Variants in ZNF717 observed in about 807,000 individuals in gnomAD.
ZNF717 encodes the protein krueppel-like factor X17.
In ZNF717, 9 loss-of-function variants were observed where a neutral mutation model predicts 13.8. That is an observed-to-expected ratio of 0.65 (90% confidence interval 0.39 to 1.14). The LOEUF (loss-of-function observed/expected upper bound fraction) is 1.14. Ranked by LOEUF, ZNF717 falls within the 50% of genes most tolerant of loss-of-function variation. The pLI is 0.01. For synonymous variants in ZNF717, 327 were observed against 364.1 expected (o/e 0.90, Z 1.16); for missense variants, 1,040 against 1,080.7 (o/e 0.96, Z 0.53).
chr3:75,783,194 T>C (rs1348711965), intron 2 of ZNF717, 112 bp downstream of exon 2: 1 of 821,698 alleles, frequency 1.2e-6, no homozygotes, highest in African/African-American at 1.7e-5. Flanking sequence ...TTTATGTATA[T>C]TTCCTTCAAC....
At chr3:75,702,668 C>A (rs1427186970) in intron 6 of ZNF717, among the ~76,000 whole-genome samples, 8 of 151,870 alleles carry the variant, frequency 5.3e-5, no homozygotes, top group Admixed American at 2.6e-4. Flanking sequence ...GATGGATACA[C>A]CATTTTTTAT....
intron 2 of ZNF717, among the ~76,000 whole-genome samples, chr3:75,746,802 T>C (rs375412426): frequency 0.036 from 5,539 of 152,292 alleles, 127 homozygotes; most frequent in South Asian, 0.063. Flanking sequence ...GTAAACATTT[T>C]CTCCCATTCT....
chr3:75,773,144 C>T (rs1308216363), intron 2 of ZNF717, among the ~76,000 whole-genome samples: 1 of 152,060 alleles, frequency 6.6e-6, no homozygotes, highest in Non-Finnish European at 1.5e-5. Flanking sequence ...TGAAAATTCA[C>T]AGGGATTTTT....
chr3:75,758,411 T>C (rs1040803616), intron 2 of ZNF717, among the ~76,000 whole-genome samples: 2 of 152,126 alleles, frequency 1.3e-5, no homozygotes, highest in Admixed American at 1.3e-4. Flanking sequence ...ACAACAGATT[T>C]AGAATAAACT....
chr3:75,783,554 T>C (rs1300263707), intron 1 of ZNF717, among the ~76,000 whole-genome samples, 190 bp from the exon 2 acceptor site: 1 of 152,242 alleles, frequency 6.6e-6, no homozygotes, highest in Non-Finnish European at 1.5e-5. Flanking sequence ...ATAAGATACA[T>C]CTACAAGTAC....
At chr3:75,773,207 A>T (rs560372862) in intron 2 of ZNF717, among the ~76,000 whole-genome samples, 5 of 152,382 alleles carry the variant, frequency 3.3e-5, no homozygotes, top group African/African-American at 1.2e-4. Flanking sequence ...GGAAAAAAAA[A>T]ATCATTGGCT....
At chr3:75,755,478 G>A (rs1315779953) in intron 2 of ZNF717, among the ~76,000 whole-genome samples, 1 of 151,922 alleles carries the variant, frequency 6.6e-6, no homozygotes, top group African/African-American at 2.4e-5. Flanking sequence ...TAATTGATCT[G>A]ACCAATAAGC....
intron 6 of ZNF717, among the ~76,000 whole-genome samples, chr3:75,696,904 AAAAAAAAAAAAAACAAG>A (rs1359683949): frequency 4.1e-5 from 1 of 24,228 alleles, no homozygotes; most frequent in East Asian, 2.6e-3. Context: ...AAAAAAAAAA[AAAAAAAAAAAAAACAAG>A]GACAAAATCC....
At chr3:75,735,635 T>TAAAA (rs149366090), downstream of ZNF717, among the ~76,000 whole-genome samples, 3,668 of 79,144 alleles carry the variant, frequency 0.046, 201 homozygotes, top group African/African-American at 0.13. Context: ...ACTGTCTCAA[T>TAAAA]AAAAAAAAAA....
At chr3:75,724,089 C>T (rs1290815363) in intron 4 of ZNF717, among the ~76,000 whole-genome samples, 5 of 152,008 alleles carry the variant, frequency 3.3e-5, no homozygotes, top group East Asian at 1.9e-4. Flanking sequence ...CTCCCCACCT[C>T]GGCTGCCAAA....
At chr3:75,696,688 T>G (rs1937606395) in intron 6 of ZNF717, among the ~76,000 whole-genome samples, 1 of 152,190 alleles carries the variant, frequency 6.6e-6, no homozygotes, top group Non-Finnish European at 1.5e-5. Context: ...AGTTCAGGAG[T>G]TCTAAACCAG....
In ZNF717 at chr3:75,737,560, T is replaced by C. The variant is rs1188632538; in HGVS notation, c.2063A>G (p.His688Arg). 2 of 1,550,580 alleles carry C rather than the reference T, an allele frequency of 1.3e-6. No individual in the cohort carries two copies. The highest frequency in any genetic ancestry group is 1.7e-6 in the Non-Finnish European group (2 of 1,145,972). The change falls in exon 5 of 5, where the codon CAT becomes CGT. Residue 688 changes from histidine to arginine, a missense_variant. Coordinates refer to ENST00000652011, the MANE Select transcript of ZNF717 (RefSeq NM_001290208.3). ...GAGTTCTCTGATGTATAATAAGGTA[T>C]GATTTCTGACAAAAAGTTTTTCCAC... ...MNVEKLFVRN[H>R]TLLYIRELTP...
intron 4 of ZNF717, among the ~76,000 whole-genome samples, chr3:75,717,931 C>A (rs112785786): frequency 6.6e-6 from 1 of 152,172 alleles, no homozygotes; most frequent in Non-Finnish European, 1.5e-5. Flanking sequence ...AGGAGCAGAA[C>A]TTAAGACAAA....
downstream of ZNF717, among the ~76,000 whole-genome samples, chr3:75,726,391 G>C (rs1271693334): frequency 6.6e-6 from 1 of 152,260 alleles, no homozygotes; most frequent in Non-Finnish European, 1.5e-5. Flanking sequence ...GGGAGGTTGA[G>C]GCAGGTGGAT....
At chr3:75,707,582 G>C (rs75895737), downstream of ZNF717, among the ~76,000 whole-genome samples, 1,480 of 108,906 alleles carry the variant, frequency 0.014, no homozygotes, top group African/African-American at 0.015. Flanking sequence ...CATCTCACTA[G>C]GGAGTGCCAG....
Position 75,738,770 on chromosome 3 carries a change from A to G in ZNF717, c.853T>C (p.Cys285Arg). 9 of 1,553,192 alleles carry G rather than the reference A, an allele frequency of 5.8e-6. No individual in the cohort carries two copies. The highest frequency in any genetic ancestry group is 7.0e-6 in the Non-Finnish European group (8 of 1,147,980). The change falls in exon 5 of 5, where the codon TGT becomes CGT. Residue 285 changes from cysteine (C) to arginine (R), a missense_variant. Cys to Arg is a radical substitution (Grantham distance 180). Coordinates refer to ENST00000652011, the MANE Select transcript of ZNF717 (RefSeq NM_001290208.3). ...ATGGAGGGTTTCTCACATTCAACACATTCATAGGGTTTCTCTCCTGTGTGT... is the reference window on the plus strand; with the variant it reads ...ATGGAGGGTTTCTCACATTCAACACGTTCATAGGGTTTCTCTCCTGTGTGT... ...QTHTGEKPYE[C>R]VECEKPSISK...
intron 2 of ZNF717, among the ~76,000 whole-genome samples, chr3:75,748,023 C>G (rs1941338874): frequency 6.6e-6 from 1 of 152,114 alleles, no homozygotes; most frequent in Non-Finnish European, 1.5e-5. Context: ...CACCACTGAT[C>G]CCACAGAAAT....
intron 4 of ZNF717, among the ~76,000 whole-genome samples, chr3:75,722,132 C>T (rs11715928): frequency 0.42 from 62,881 of 150,456 alleles, 13,517 homozygotes; most frequent in Non-Finnish European, 0.46. Context: ...TGGTGGTGGG[C>T]GCCTGTAGTC....
intron 2 of ZNF717, among the ~76,000 whole-genome samples, chr3:75,772,559 C>T (rs1410845958): frequency 1.3e-5 from 2 of 152,264 alleles, no homozygotes; most frequent in East Asian, 3.9e-4. Flanking sequence ...TGCAGTCAGC[C>T]TGGTCCAGCT....
Sources: allele counts gnomAD v4.1 joint callset (sites outside exome capture counted in the v4.1 genomes callset), GRCh38; gene constraint gnomAD v4.1.1; transcripts MANE v1.5; gene names NCBI Gene and HGNC (gene_info 2026-07-23, HGNC 2026-07-21).